VWA5B1: variants seen among roughly 807,000 people sequenced by gnomAD.
VWA5B1 encodes von Willebrand factor A domain-containing protein 5B1.
Under a neutral mutation model 118.2 loss-of-function variants are expected in VWA5B1, and 115 were observed. The ratio of observed to expected loss-of-function variants is 0.97; its 90% CI spans 0.84 to 1.14. The LOEUF is 1.14. VWA5B1 is among the 50% of genes most tolerant of loss of function. The pLI is 0.00. For synonymous variants in VWA5B1, 682 were observed against 658.4 expected (o/e 1.04, Z -0.55); for missense variants, 1,596 against 1,603.8 (o/e 1.00, Z 0.08).
chr1:20,291,162 A>ATAAG (rs1187494965), intron 1 of VWA5B1, 74 bp downstream of exon 1: 3 of 77,668 alleles, frequency 3.9e-5, no homozygotes, highest in Non-Finnish European at 7.8e-5. Flanking sequence ...AAGGGCATGC[A>ATAAG]TGAGTGTGTG....
At chr1:20,296,104 C>A (rs1314550340) in intron 1 of VWA5B1, among the ~76,000 whole-genome samples, 4 of 152,190 alleles carry the variant, frequency 2.6e-5, no homozygotes, top group South Asian at 2.1e-4. Context: ...CTCAGGTGAT[C>A]CGCCCACCTC....
rs1553192739 is a variant in VWA5B1, at chr1:20,291,339, C to CTT, written c.-27+252_-27+253insTT. Among the ~76,000 whole-genome samples, 222 of 135,062 alleles carry CTT rather than the reference C, an allele frequency of 1.6e-3. 1 individual carries two copies. Among genetic ancestry groups the CTT allele is most frequent in the African/African-American group, 4.9e-3 (169 of 34,698 alleles). 88.6% of individuals were successfully genotyped at this position (135,062 alleles called of 152,430 possible). A position where few individuals can be genotyped will look rare whatever the true frequency, so the allele number is the denominator to read the frequency against. On this transcript the variant is annotated intron_variant, in intron 1 of 21. Transcript: ENST00000289815. ...GCTACTCAGGTCCAGCTCTCTCTCTCTCTTTCTTTCTTTCTTTCTTTCTCT... is the reference window on the plus strand; with the variant it reads ...GCTACTCAGGTCCAGCTCTCTCTCTCTTTCTTTCTTTCTTTCTTTCTTTCTCT...
Position 20,343,138 on chromosome 1 carries a change from G to A in VWA5B1, c.2371G>A (p.Ala791Thr), listed in dbSNP as rs1044529953. 1.6e-4 allele frequency: 254 copies of A among 1,546,072 alleles called. No homozygotes were observed. The highest frequency in any genetic ancestry group is 2.1e-4 in the Non-Finnish European group (240 of 1,143,994). The stretch of plus-strand genomic sequence containing the variant: ...GACGTCCTCGGACTGGGACCCCCCA[G>A]CCGAGTCCCAGGAGCGAGCCAGTCC... ...TETSSDWDPP[A>T]ESQERASPSR... is the part of the protein sequence containing the mutation. The change falls in exon 16 of 22, where the codon GCC becomes ACC. Residue 791 changes from alanine to threonine, a missense_variant. Transcript: ENST00000289815.
chr1:20,343,336 C>T lies in VWA5B1; in HGVS notation c.2569C>T (p.Arg857Cys), dbSNP rs964839003. 1.9e-5 allele frequency: 29 copies of T among 1,542,476 alleles called. No homozygotes were observed. The East Asian group carries it at 6.9e-4, about 36-fold the overall frequency. ...WSETFHHLAA[R>C]AIIRDFEQLA... The stretch of plus-strand genomic sequence containing the variant: ...CGAGACCTTCCACCACCTGGCGGCC[C>T]GCGCCATCATCCGCGACTTCGAGCA... Residue 857 changes from arginine to cysteine, a missense_variant, in exon 16 of 22, where the codon CGC becomes TGC. Arg to Cys is a radical substitution (Grantham distance 180, BLOSUM62 -3). Coordinates refer to ENST00000289815, the MANE Select transcript of VWA5B1 (RefSeq NM_001039500.3).
intron 17 of VWA5B1, among the ~76,000 whole-genome samples, chr1:20,347,482 C>G (rs2090031249): frequency 6.6e-6 from 1 of 151,664 alleles, no homozygotes; most frequent in African/African-American, 2.4e-5. Flanking sequence ...CTCTGTTGCT[C>G]AGGTTAGAGT....
intron 21 of VWA5B1, 93 bp from the exon 22 acceptor site, chr1:20,353,664 G>T (rs527589045): frequency 2.1e-6 from 3 of 1,413,044 alleles, no homozygotes; most frequent in Non-Finnish European, 2.8e-6. Context: ...CAGGCAGGGT[G>T]GGGTGGGCAA....
In VWA5B1 at chr1:20,290,947, C is replaced by CTGCCAGG. The variant is rs1411800997; in HGVS notation, c.-167_-161dup. 6.6e-6 allele frequency: 1 copy of CTGCCAGG among 152,306 alleles called. No homozygotes were observed. The highest frequency in any genetic ancestry group is 1.5e-5 in the Non-Finnish European group (1 of 68,072). 9.4% of individuals were successfully genotyped at this position (152,306 alleles called of 1,614,324 possible). A position where few individuals can be genotyped will look rare whatever the true frequency, so the allele number is the denominator to read the frequency against. On this transcript the variant is annotated 5_prime_UTR_variant, in exon 1 of 22. It introduces an in-frame stop codon into an upstream open reading frame of the 5' UTR. Coordinates refer to ENST00000289815, the MANE Select transcript of VWA5B1 (RefSeq NM_001039500.3). ...GCAATGTGGGCATTGATCAAGCCAGCTGCCAGGGCAGCGGGCGCAGGGCTT... is the reference window on the plus strand; with the variant it reads ...GCAATGTGGGCATTGATCAAGCCAGCTGCCAGGTGCCAGGGCAGCGGGCGCAGGGCTT...
At chr1:20,333,614 T>C (rs536193170) in intron 12 of VWA5B1, among the ~76,000 whole-genome samples, 36 of 152,358 alleles carry the variant, frequency 2.4e-4, no homozygotes, top group South Asian at 8.3e-4. Flanking sequence ...CAAGAACAAA[T>C]GCACTCAGAT....
intron 7 of VWA5B1, among the ~76,000 whole-genome samples, chr1:20,321,932 G>A (rs12048985): frequency 0.12 from 17,777 of 152,190 alleles, 1,660 homozygotes; most frequent in East Asian, 0.5. Context: ...TTCAGTGAGG[G>A]CACTGCTTGA....
rs763723366 is a variant in VWA5B1, at chr1:20,352,200, C to T, written c.3141+28C>T. The T allele has an allele frequency of 2.6e-6, 4 of 1,509,542 alleles. No homozygotes were observed. In the Admixed American group the frequency reaches 6.0e-5, roughly 23 times the overall value. The allele number at this position is 1,509,542 out of a possible 1,614,324, so 93.5% of individuals were successfully genotyped here. ...GAGTGCCCTGACCCCAGGTGTCAGT[C>T]TCCCTCCGCTCCACTCAGCAGCAGG... is the stretch of plus-strand genomic sequence containing the variant. On this transcript the variant is annotated intron_variant, in intron 21 of 21. Coordinates refer to ENST00000289815, the MANE Select transcript of VWA5B1 (RefSeq NM_001039500.3).
chr1:20,322,442 G>A (rs2089248819), intron 7 of VWA5B1, among the ~76,000 whole-genome samples: 1 of 152,204 alleles, frequency 6.6e-6, no homozygotes, highest in Admixed American at 6.5e-5. Flanking sequence ...CCTGGCCTCA[G>A]GGCCAGCTAG....
chr1:20,345,417 T>C, intron 16 of VWA5B1, 39 bp from the exon 17 acceptor site: 4 of 1,550,348 alleles, frequency 2.6e-6, no homozygotes, highest in Non-Finnish European at 3.5e-6. Flanking sequence ...GGGAAGACTT[T>C]CTGAGTCCAA....
chr1:20,355,225 G>A lies in VWA5B1; in HGVS notation c.*962G>A, dbSNP rs1384385249. ...CCTCTGGAGCCATGCCACGCTGTGG[G>A]AGAGAGGCTTGGCTGCAGTGCCTTT... On this transcript the variant is annotated 3_prime_UTR_variant, in exon 22 of 22. Transcript: ENST00000289815. Among the ~76,000 whole-genome samples the A allele has an allele frequency of 6.6e-6, 1 of 152,222 alleles. No homozygotes were observed. The highest frequency in any genetic ancestry group is 2.4e-5 in the African/African-American group (1 of 41,462).
chr1:20,318,837 G>A (rs71647151), intron 6 of VWA5B1, 116 bp downstream of exon 6: 42,103 of 1,389,368 alleles, frequency 0.03, 796 homozygotes, highest in Non-Finnish European at 0.036. Flanking sequence ...GGAAAGAGTC[G>A]GGGTGGGGGG....
At chr1:20,325,135 G>A (rs1298283404) in intron 8 of VWA5B1, among the ~76,000 whole-genome samples, 1 of 152,206 alleles carries the variant, frequency 6.6e-6, no homozygotes, top group Admixed American at 6.5e-5. Context: ...CAGCATCACA[G>A]GGCTAGTGAG....
At chr1:20,346,526 T>G (rs867719605) in intron 17 of VWA5B1, among the ~76,000 whole-genome samples, 5 of 152,390 alleles carry the variant, frequency 3.3e-5, no homozygotes, top group South Asian at 2.1e-4. Flanking sequence ...GTTAATTAAT[T>G]CTTAGAAGTA....
chr1:20,297,990 T>G, intron 1 of VWA5B1, among the ~76,000 whole-genome samples: 1 of 136,144 alleles, frequency 7.3e-6, no homozygotes, highest in African/African-American at 2.7e-5. Flanking sequence ...CATGACTCGG[T>G]GGTGGATTTT....
intron 8 of VWA5B1, among the ~76,000 whole-genome samples, chr1:20,323,784 A>T (rs2089294509): frequency 6.6e-6 from 1 of 152,208 alleles, no homozygotes; most frequent in African/African-American, 2.4e-5. Context: ...AACTTTAGCT[A>T]AAACACTCCA....
At chr1:20,302,007 T>C (rs918811037) in intron 1 of VWA5B1, among the ~76,000 whole-genome samples, 20 of 152,188 alleles carry the variant, frequency 1.3e-4, no homozygotes, top group Admixed American at 6.5e-5. Flanking sequence ...TTAGCCCAGA[T>C]AGATGGCCCT....
Sources: gnomAD v4.1 joint callset for allele counts (sites outside exome capture counted in the v4.1 genomes callset) on GRCh38, gnomAD v4.1.1 for gene constraint, MANE v1.5 for transcripts, NCBI Gene and HGNC (gene_info 2026-07-23, HGNC 2026-07-21) for gene names.